LACTBL1: variants seen among roughly 807,000 people sequenced by gnomAD.
The protein encoded by LACTBL1 is beta-lactamase-like protein 1.
Under a neutral mutation model 39.6 loss-of-function variants are expected in LACTBL1, and 29 were observed. That is an observed-to-expected ratio of 0.73 (90% CI 0.55 to 1.00). The LOEUF is 1.00. Ranked by LOEUF, LACTBL1 falls within the 50% of genes least tolerant of loss-of-function variation. The probability of loss-of-function intolerance (pLI) is 0.00; values close to 1 mark genes in which losing one functional copy is unlikely to be tolerated. For synonymous variants in LACTBL1, 361 were observed against 360.7 expected (o/e 1.00, Z -0.01); for missense variants, 711 against 748.5 (o/e 0.95, Z 0.59).
chr1:22,956,053 A>T (rs1171214751), intron 4 of LACTBL1, among the ~76,000 whole-genome samples: 1 of 122,470 alleles, frequency 8.2e-6, no homozygotes. Flanking sequence ...GACAGAGTGA[A>T]ACTCCATCTC....
chr1:22,961,965 C>T (rs890444725), intron 2 of LACTBL1, among the ~76,000 whole-genome samples: 1 of 151,794 alleles, frequency 6.6e-6, no homozygotes, highest in African/African-American at 2.4e-5. Flanking sequence ...TCAGGCTGCT[C>T]TTGAACTCCT....
chr1:22,958,946 G>T, intron 3 of LACTBL1, 26 bp from the exon 6 acceptor site: 3 of 1,484,504 alleles, frequency 2.0e-6, no homozygotes, highest in Middle Eastern at 1.7e-4. Flanking sequence ...AATACAAGCA[G>T]TCAAAGGGCA....
At chr1:22,969,021 T>C (rs1188229788), upstream of LACTBL1, among the ~76,000 whole-genome samples, 2 of 152,152 alleles carry the variant, frequency 1.3e-5, no homozygotes, top group Admixed American at 1.3e-4. Flanking sequence ...CAAGCAATCC[T>C]CCCACCTTGA....
At chr1:22,972,440 AGAG>A in the LACTBL1 span, 1 of 985,134 alleles carries the variant, frequency 1.0e-6, no homozygotes, top group African/African-American at 1.7e-5. Flanking sequence ...GGCTGGAAAA[AGAG>A]GAGGGGGACA....
intron 4 of LACTBL1, 113 bp from the exon 7 acceptor site, chr1:22,955,539 A>G (rs1640753620): frequency 1.5e-6 from 1 of 678,854 alleles, no homozygotes; most frequent in African/African-American, 1.8e-5. Flanking sequence ...ACAACAAATC[A>G]GTTTTTTAAA....
exon 6 of LACTBL1, chr1:22,953,786 A>C: frequency 6.5e-7 from 1 of 1,535,418 alleles, no homozygotes. Flanking sequence ...GCGGCGGTAG[A>C]GTACATCTGG....
At chr1:22,960,867 C>A (rs994122004) in intron 2 of LACTBL1, among the ~76,000 whole-genome samples, 3 of 152,116 alleles carry the variant, frequency 2.0e-5, no homozygotes, top group Non-Finnish European at 2.9e-5. Context: ...GCAGCCTCAA[C>A]CTTCCAGGCT....
exon 6 of LACTBL1, chr1:22,953,043 T>C: frequency 8.1e-7 from 1 of 1,232,226 alleles, no homozygotes; most frequent in Non-Finnish European, 1.0e-6. Context: ...GAGCCCGGGG[T>C]CACTGGGTCT....
chr1:22,953,237 G>T, exon 6 of LACTBL1: 1 of 1,232,006 alleles, frequency 8.1e-7, no homozygotes, highest in Non-Finnish European at 1.0e-6. Flanking sequence ...GCCACGTGCA[G>T]CTGGAAGACG....
chr1:22,953,865 C>CT lies in LACTBL1; in HGVS notation c.818_819insA (p.Ala274GlyfsTer15), dbSNP rs1461527114. 1 of 1,548,708 alleles carries CT rather than the reference C, an allele frequency of 6.5e-7. No individual in the cohort carries two copies. Among genetic ancestry groups the CT allele is most frequent in the Non-Finnish European group, 8.7e-7 (1 of 1,145,986 alleles). ...GCCCGCTGCCGTAGAAGCCCGCGGCCAGGCGCGCGCGCACGTCGGGCGTGA... is the reference window on the plus strand; with the variant it reads ...GCCCGCTGCCGTAGAAGCCCGCGGCCTAGGCGCGCGCGCACGTCGGGCGTGA... On this transcript the variant is annotated frameshift_variant, in exon 6 of 6. Transcript: ENST00000426928. LOFTEE classifies it high-confidence loss of function.
chr1:22,957,031 T>TATGTAG (rs1640768338), intron 4 of LACTBL1, among the ~76,000 whole-genome samples: 1 of 152,102 alleles, frequency 6.6e-6, no homozygotes, highest in Non-Finnish European at 1.5e-5. Context: ...CATACTTGTG[T>TATGTAG]TATATAATAT....
At chr1:22,966,851 C>T (rs1640885085), upstream of LACTBL1, among the ~76,000 whole-genome samples, 2 of 152,176 alleles carry the variant, frequency 1.3e-5, no homozygotes, top group Admixed American at 1.3e-4. Context: ...TCAGGGTCTG[C>T]CTGGGCCCCT....
rs147740900 is a variant in LACTBL1 at position 22,962,035 on chromosome 1, C to T, written c.159+1072G>A. Among the ~76,000 whole-genome samples the T allele has an allele frequency of 3.8e-3, 585 of 152,208 alleles. 8 individuals are homozygous for T. The highest frequency in any genetic ancestry group is 0.013 in the African/African-American group (543 of 41,538). ...TGCTGGGGTTACAGGTGTGAGCCAC[C>T]GCGCCTGGCTCTAACTTTGCCTTTC... On this transcript the variant is annotated intron_variant, in intron 2 of 5. Transcript: ENST00000426928.
chr1:22,953,880 G>T (rs1640735505), exon 6 of LACTBL1: 7 of 1,549,452 alleles, frequency 4.5e-6, no homozygotes, highest in Non-Finnish European at 6.1e-6. Context: ...GCGCGCGCAC[G>T]TCGGGCGTGA....
At chr1:22,957,700 G>C (rs1219558537) in intron 4 of LACTBL1, among the ~76,000 whole-genome samples, 1 of 132,788 alleles carries the variant, frequency 7.5e-6, no homozygotes, top group East Asian at 2.4e-4. Context: ...ACCCAGGCTG[G>C]AGTGCAATGA....
chr1:22,968,780 C>T (rs903667723), upstream of LACTBL1, among the ~76,000 whole-genome samples: 2 of 152,102 alleles, frequency 1.3e-5, no homozygotes, highest in Non-Finnish European at 2.9e-5. Context: ...AAAATGGGGA[C>T]GATAATAGTG....
intron 3 of LACTBL1, 104 bp downstream of exon 5, chr1:22,959,838 A>G (rs1640801395): frequency 7.4e-7 from 1 of 1,343,234 alleles, no homozygotes; most frequent in Non-Finnish European, 1.0e-6. Flanking sequence ...GCCCTGGCAG[A>G]TTAGACCCCA....
At chr1:22,954,648 T>G (rs541361016) in intron 5 of LACTBL1, among the ~76,000 whole-genome samples, 2 of 152,300 alleles carry the variant, frequency 1.3e-5, no homozygotes, top group East Asian at 3.9e-4. Flanking sequence ...CCACCCAAGG[T>G]CACATTGCCA....
chr1:22,969,178 G>A (rs187738935), upstream of LACTBL1, among the ~76,000 whole-genome samples: 1 of 152,298 alleles, frequency 6.6e-6, no homozygotes, highest in East Asian at 1.9e-4. Flanking sequence ...TGTATATGGT[G>A]CGTGTGTGTG....
Sources: gnomAD v4.1 joint callset for allele counts (sites outside exome capture counted in the v4.1 genomes callset) on GRCh38, gnomAD v4.1.1 for gene constraint, MANE v1.5 for transcripts, NCBI Gene and HGNC (gene_info 2026-07-23, HGNC 2026-07-21) for gene names.